ABI2: variants seen among roughly 807,000 people sequenced by gnomAD.
ABI2 encodes abl interactor 2, also known as abelson interactor 2.
ABI2 carries 25 observed loss-of-function variants against 59.2 expected under a neutral mutation model. The observed-to-expected ratio is 0.42, with a 90% CI of 0.31 to 0.59. The LOEUF is 0.59. Ranked by LOEUF, ABI2 falls within the 20% of genes least tolerant of loss-of-function variation. The probability of loss-of-function intolerance (pLI) is 0.14; values close to 1 mark genes in which losing one functional copy is unlikely to be tolerated. For synonymous variants in ABI2, 213 were observed against 235.5 expected, an observed-to-expected ratio of 0.90 and a Z score of 0.87; for missense variants, 545 against 681.8, an observed-to-expected ratio of 0.80 and a Z score of 2.23.
chr2:203,378,982 A>G (rs978147213), intron 2 of ABI2, among the ~76,000 whole-genome samples: 5 of 152,094 alleles, frequency 3.3e-5, no homozygotes, highest in Non-Finnish European at 1.5e-5. Context: ...GTTCTATTTG[A>G]TTTGAAATAA....
intron 8 of ABI2, among the ~76,000 whole-genome samples, chr2:203,400,091 T>A (rs1650461876): frequency 7.7e-6 from 1 of 129,248 alleles, no homozygotes; most frequent in Non-Finnish European, 1.6e-5. Flanking sequence ...TTTTTTTTTT[T>A]TTTTTTTTTT....
intron 10 of ABI2, 44 bp downstream of exon 10, chr2:203,411,415 T>C (rs781328344): frequency 6.9e-7 from 1 of 1,456,542 alleles, no homozygotes; most frequent in South Asian, 1.2e-5. Context: ...ATTGTAGGCA[T>C]AAAATGTCAT....
Position 203,328,440 on chromosome 2 carries a change from CCTGGGT to C in ABI2, c.-74_-69del, listed in dbSNP as rs2069961021. 7.9e-7 allele frequency: 1 copy of C among 1,259,950 alleles called. No individual in the cohort carries two copies. The highest frequency in any genetic ancestry group is 1.5e-5 in the African/African-American group (1 of 65,178). The allele number at this position is 1,259,950 out of a possible 1,614,324, so 78.0% of individuals were successfully genotyped here. ...TCGCCGCCGCTCCTCCTCTCCCGGT[CCTGGGT>C]TTCCTTGGCGCTGCGGCCGCCGCTC... On this transcript the variant is annotated 5_prime_UTR_variant, in exon 1 of 12. Transcript: ENST00000261018.
intron 9 of ABI2, among the ~76,000 whole-genome samples, chr2:203,409,209 G>T (rs1187910032): frequency 6.6e-6 from 1 of 152,132 alleles, no homozygotes; most frequent in Non-Finnish European, 1.5e-5. Flanking sequence ...AACAGTTGTT[G>T]TAAGCCTCTG....
rs551470096 is a variant in ABI2 at position 203,373,264 on chromosome 2, C to T, written c.285+6220C>T. ...TCACTCGCGGTTAGGAGCTGGAGAC[C>T]AGCCCGGCCAACACAGCGAAACCCC... On this transcript the variant is annotated intron_variant, in intron 2 of 11. Coordinates refer to ENST00000261018, the MANE Select transcript of ABI2 (RefSeq NM_001375670.1). Among the ~76,000 whole-genome samples, 48 of 152,340 alleles carry T rather than the reference C, an allele frequency of 3.2e-4. 1 individual carries two copies. The highest frequency in any genetic ancestry group is 3.4e-3 in the Middle Eastern group (1 of 294).
At chr2:203,413,038 C>G (rs897877911) in intron 10 of ABI2, among the ~76,000 whole-genome samples, 1 of 152,038 alleles carries the variant, frequency 6.6e-6, no homozygotes, top group Non-Finnish European at 1.5e-5. Context: ...TGAATAATAC[C>G]CTGGGAGTTT....
chr2:203,339,598 GAAAA>G (rs1247508574), intron 1 of ABI2, among the ~76,000 whole-genome samples: 4 of 144,766 alleles, frequency 2.8e-5, no homozygotes, highest in African/African-American at 7.6e-5. Flanking sequence ...AAAAAAAAAA[GAAAA>G]AGAAAAAAAG....
In ABI2 at chr2:203,391,210, T is replaced by C; in HGVS notation, c.578+67T>C. The C allele has an allele frequency of 4.6e-6, 5 of 1,096,618 alleles. No homozygotes were observed. The South Asian group carries it at 5.6e-5, about 12-fold the overall frequency. 67.9% of individuals were successfully genotyped at this position (1,096,618 alleles called of 1,614,324 possible). ...TTGTTTAAAAATGAAGCACAACATA[T>C]TTAAATTATTTTTTGAATATTTGAA... On this transcript the variant is annotated intron_variant, in intron 5 of 11. Coordinates refer to ENST00000261018, the MANE Select transcript of ABI2 (RefSeq NM_001375670.1).
At position 203,337,644 on chromosome 2, in the gene ABI2, T is replaced by C. The variant is rs182300740; in HGVS notation, c.117+9013T>C. Among the ~76,000 whole-genome samples the C allele has an allele frequency of 2.0e-5, 3 of 152,286 alleles. No individual in the cohort carries two copies. In the East Asian group the frequency reaches 5.8e-4, roughly 29 times the overall value. ...TCACAAAAATAGAAAAACCCTAAAA[T>C]TCATAGGAAACCACAAAATACTTTG... On this transcript the variant is annotated intron_variant, in intron 1 of 11. Coordinates refer to ENST00000261018, the MANE Select transcript of ABI2 (RefSeq NM_001375670.1).
At chr2:203,396,988 T>TGGCA (rs2097024127) in intron 8 of ABI2, 21 bp downstream of exon 8, 8 of 1,404,738 alleles carry the variant, frequency 5.7e-6, no homozygotes, top group Non-Finnish European at 6.5e-6. Context: ...GCTTATTCAT[T>TGGCA]GGCAGGCAGA....
chr2:203,411,955 A>C (rs2097692835), intron 10 of ABI2, among the ~76,000 whole-genome samples: 1 of 152,218 alleles, frequency 6.6e-6, no homozygotes, highest in African/African-American at 2.4e-5. Flanking sequence ...ACATTCAGTG[A>C]GGAATTGCTG....
chr2:203,431,844 T>TA lies in ABI2; in HGVS notation c.*4494dup, dbSNP rs1348798280. ...TTAAAATGAAACCTCTTTTGCAACT[T>TA]AAGAATTCTATGGAAAAGCAGTTTT... is the stretch of plus-strand genomic sequence containing the variant. On this transcript the variant is annotated 3_prime_UTR_variant, in exon 12 of 12. Coordinates refer to ENST00000261018, the MANE Select transcript of ABI2 (RefSeq NM_001375670.1). 1 of 152,172 alleles carries TA rather than the reference T, an allele frequency of 6.6e-6. No homozygotes were observed. Among genetic ancestry groups the TA allele is most frequent in the Non-Finnish European group, 1.5e-5 (1 of 68,032 alleles). The allele number at this position is 152,172 out of a possible 1,614,324, so 9.4% of individuals were successfully genotyped here. A position where few individuals can be genotyped will look rare whatever the true frequency, so the allele number is the denominator to read the frequency against.
intron 1 of ABI2, among the ~76,000 whole-genome samples, chr2:203,338,977 T>TAA (rs2078141915): frequency 5.8e-4 from 6 of 10,258 alleles, no homozygotes; most frequent in African/African-American, 1.7e-3. Flanking sequence ...TATATATATA[T>TAA]ATATAAATAT....
At chr2:203,362,450 TG>T (rs2093648280) in intron 1 of ABI2, among the ~76,000 whole-genome samples, 1 of 152,196 alleles carries the variant, frequency 6.6e-6, no homozygotes, top group South Asian at 2.1e-4. Flanking sequence ...GTATTACCTT[TG>T]GGTCCCACTA....
chr2:203,414,738 A>G (rs1041431353), intron 10 of ABI2, among the ~76,000 whole-genome samples: 2 of 152,198 alleles, frequency 1.3e-5, no homozygotes, highest in Non-Finnish European at 2.9e-5. Flanking sequence ...CCATCCCATA[A>G]TAGTGTAGCT....
At chr2:203,360,147 T>A (rs1281887292) in intron 1 of ABI2, among the ~76,000 whole-genome samples, 1 of 128,210 alleles carries the variant, frequency 7.8e-6, no homozygotes, top group African/African-American at 3.1e-5. Context: ...ATTGCACCAC[T>A]GCACTCTAGT....
chr2:203,343,348 C>T lies in ABI2; in HGVS notation c.117+14717C>T, dbSNP rs989329411. The stretch of plus-strand genomic sequence containing the variant: ...CACTGCACTCTAGCCTGGACGACAG[C>T]GAGACTATGTCTCAAAAAACATAAA... On this transcript the variant is annotated intron_variant, in intron 1 of 11. Coordinates refer to ENST00000261018, the MANE Select transcript of ABI2 (RefSeq NM_001375670.1). Among the ~76,000 whole-genome samples the T allele has an allele frequency of 3.3e-5, 5 of 152,176 alleles. 1 individual carries two copies. The highest frequency in any genetic ancestry group is 4.1e-4 in the South Asian group (2 of 4,824).
chr2:203,396,159 A>G (rs1265929836), intron 7 of ABI2, among the ~76,000 whole-genome samples: 1 of 152,236 alleles, frequency 6.6e-6, no homozygotes, highest in East Asian at 1.9e-4. Flanking sequence ...AGTTAAATTT[A>G]GTGGCTGTAT....
chr2:203,377,223 G>C lies in ABI2; in HGVS notation c.286-2985G>C, dbSNP rs143004569. On this transcript the variant is annotated intron_variant, in intron 2 of 11. Transcript: ENST00000261018. Reference sequence around the variant, plus strand: ...CTAGCTACTCAGGAGGCTGAGGTAAGAGGATGCTTGAGCCTAGGAGTTCAA... The same window carrying C: ...CTAGCTACTCAGGAGGCTGAGGTAACAGGATGCTTGAGCCTAGGAGTTCAA... 2.5e-3 allele frequency among the ~76,000 whole-genome samples: 383 copies of C among 152,338 alleles called. 2 individuals carry two copies. Among genetic ancestry groups the C allele is most frequent in the Non-Finnish European group, 4.0e-3 (275 of 68,028 alleles).
Sources: allele counts gnomAD v4.1 joint callset (sites outside exome capture counted in the v4.1 genomes callset), GRCh38; gene constraint gnomAD v4.1.1; transcripts MANE v1.5; gene names NCBI Gene and HGNC (gene_info 2026-07-23, HGNC 2026-07-21).